The following ZNF704 variants were observed in gnomAD, a reference collection of about 807,000 sequenced individuals.
The protein encoded by ZNF704 is zinc finger protein 704.
ZNF704 carries 10 observed loss-of-function variants against 44.7 expected under a neutral mutation model. The observed-to-expected ratio is 0.22, with a 90% CI of 0.14 to 0.38. The LOEUF is 0.38. Ranked by LOEUF, ZNF704 falls within the 10% of genes least tolerant of loss-of-function variation. ZNF704 has a pLI of 1.00. For missense variants in ZNF704, 390 were observed against 545.5 expected (o/e 0.71, Z 2.84); for synonymous variants, 211 against 207.6 (o/e 1.02, Z -0.14).
intron 2 of ZNF704, among the ~76,000 whole-genome samples, chr8:80,771,569 T>C (rs1807320607): frequency 6.6e-6 from 1 of 152,186 alleles, no homozygotes; most frequent in Non-Finnish European, 1.5e-5. Context: ...CTTGCTTAAC[T>C]CTTTTATTAG....
rs1028871236 is a variant in ZNF704, at chr8:80,633,521, G to T, written c.*7845C>A. 1.3e-5 allele frequency: 2 copies of T among 152,154 alleles called. No homozygotes were observed. Among genetic ancestry groups the T allele is most frequent in the Non-Finnish European group, 2.9e-5 (2 of 68,048 alleles). The allele number at this position is 152,154 out of a possible 1,614,324, so 9.4% of individuals were successfully genotyped here. ...ACTGAATAGATGGTTTGAGAACATGGTGGGTCCCTGGGTCTTCTTACGTCC... is the reference window on the plus strand; with the variant it reads ...ACTGAATAGATGGTTTGAGAACATGTTGGGTCCCTGGGTCTTCTTACGTCC... On this transcript the variant is annotated 3_prime_UTR_variant, in exon 9 of 9. Transcript: ENST00000327835.
intron 1 of ZNF704, among the ~76,000 whole-genome samples, chr8:80,870,945 C>T (rs1809241684): frequency 6.6e-6 from 1 of 152,190 alleles, no homozygotes; most frequent in Non-Finnish European, 1.5e-5. Flanking sequence ...TTTTCCTAAT[C>T]TTAGTAAATG....
At chr8:80,641,569 GAAA>G (rs60295176) in intron 8 of ZNF704, 92 bp from the exon 9 acceptor site, 2,940 of 357,964 alleles carry the variant, frequency 8.2e-3, no homozygotes, top group South Asian at 0.012. Flanking sequence ...AGTGAGGGAG[GAAA>G]AAAAAAAAAA....
intron 2 of ZNF704, among the ~76,000 whole-genome samples, chr8:80,757,731 CT>C (rs1659003179): frequency 6.6e-6 from 1 of 152,058 alleles, no homozygotes; most frequent in Admixed American, 6.6e-5. Context: ...TTTACCGTAC[CT>C]TTTTAATGTT....
At chr8:80,702,101 C>A (rs1480458760) in intron 2 of ZNF704, among the ~76,000 whole-genome samples, 2 of 152,094 alleles carry the variant, frequency 1.3e-5, no homozygotes, top group African/African-American at 4.8e-5. Context: ...ACTGGGGCAG[C>A]ATGATGAGGG....
intron 2 of ZNF704, 84 bp downstream of exon 2, chr8:80,821,288 AAG>A: frequency 2.2e-6 from 3 of 1,357,718 alleles, no homozygotes; most frequent in South Asian, 2.4e-5. Flanking sequence ...CTATATACTG[AAG>A]AGAGTCTGTA....
At chr8:80,859,868 T>G (rs1247225638) in intron 1 of ZNF704, among the ~76,000 whole-genome samples, 1 of 152,006 alleles carries the variant, frequency 6.6e-6, no homozygotes, top group Non-Finnish European at 1.5e-5. Context: ...ATGAAAACAG[T>G]GAGAATGAGG....
intron 2 of ZNF704, among the ~76,000 whole-genome samples, chr8:80,754,245 A>G (rs1332104521): frequency 6.6e-6 from 1 of 152,150 alleles, no homozygotes; most frequent in Non-Finnish European, 1.5e-5. Flanking sequence ...CGGGACAGCC[A>G]GTATCTCCCA....
At chr8:80,830,629 TACC>T (rs1808453928) in intron 1 of ZNF704, among the ~76,000 whole-genome samples, 1 of 151,318 alleles carries the variant, frequency 6.6e-6, no homozygotes, top group East Asian at 1.9e-4. Context: ...ATTTAAATTA[TACC>T]ACAATAGAGC....
Position 80,776,656 on chromosome 8 carries a change from AT to A in ZNF704, c.221+44717del, listed in dbSNP as rs1778834109. ...AATTTCTGATTCTTTTCTTTTTCTGATTATTTTTTAGAAGGGGTCTTGCTAT... is the reference window on the plus strand; with the variant it reads ...AATTTCTGATTCTTTTCTTTTTCTGATATTTTTTAGAAGGGGTCTTGCTAT... On this transcript the variant is annotated intron_variant, in intron 2 of 8. Coordinates refer to ENST00000327835, the MANE Select transcript of ZNF704 (RefSeq NM_001033723.3). 3.3e-5 allele frequency: 5 copies of A among 152,050 alleles called. No individual in the cohort carries two copies. In the East Asian group the frequency reaches 5.8e-4, roughly 18 times the overall value. 9.4% of individuals were successfully genotyped at this position (152,050 alleles called of 1,614,324 possible).
intron 1 of ZNF704, among the ~76,000 whole-genome samples, chr8:80,858,514 T>C (rs1169687722): frequency 2.6e-5 from 4 of 152,050 alleles, no homozygotes; most frequent in Admixed American, 6.6e-5. Flanking sequence ...TGCAAATCAC[T>C]TGAGGTCAGG....
chr8:80,841,076 T>C (rs891036667), intron 1 of ZNF704, among the ~76,000 whole-genome samples: 3 of 152,158 alleles, frequency 2.0e-5, no homozygotes, highest in Admixed American at 2.0e-4. Flanking sequence ...CTAGCAAGAA[T>C]ACCCCGCACT....
intron 7 of ZNF704, among the ~76,000 whole-genome samples, chr8:80,657,828 T>A (rs1445932757): frequency 6.6e-6 from 1 of 152,180 alleles, no homozygotes; most frequent in Non-Finnish European, 1.5e-5. Flanking sequence ...ATCATATATA[T>A]ACTTTCTGTC....
chr8:80,742,864 C>T (rs35339118), intron 2 of ZNF704, among the ~76,000 whole-genome samples: 74,521 of 151,746 alleles, frequency 0.49, 19,618 homozygotes, highest in African/African-American at 0.69. Flanking sequence ...GAGGAGGTAC[C>T]GAGAGACAAG....
intron 2 of ZNF704, among the ~76,000 whole-genome samples, chr8:80,727,495 G>A (rs1806504696): frequency 6.7e-6 from 1 of 148,288 alleles, no homozygotes; most frequent in South Asian, 2.1e-4. Context: ...TGCTTTTTTT[G>A]TGCCTTCTGA....
intron 2 of ZNF704, among the ~76,000 whole-genome samples, chr8:80,754,056 T>C (rs1806994389): frequency 6.6e-6 from 1 of 152,222 alleles, no homozygotes; most frequent in Non-Finnish European, 1.5e-5. Flanking sequence ...GGAATGCCAC[T>C]GTCTATCAGA....
In ZNF704 at chr8:80,641,378, C is replaced by T. The variant is rs1409666482; in HGVS notation, c.1227G>A (p.Arg409=). The T allele has an allele frequency of 4.3e-6, 7 of 1,612,788 alleles. No homozygotes were observed. Among genetic ancestry groups the T allele is most frequent in the Non-Finnish European group, 5.1e-6 (6 of 1,179,338 alleles). Residue 409 remains arginine, a synonymous_variant, in exon 9 of 9, where the codon AGG becomes AGA. Coordinates refer to ENST00000327835, the MANE Select transcript of ZNF704 (RefSeq NM_001033723.3). The part of the protein sequence containing the change: ...TACRWKKACQ[R]FLD ...GCCTGGGGGTCTCTCAGTCGAGGAA[C>T]CTCTGGCAGGCCTTCTTCCAGCGGC...
intron 2 of ZNF704, among the ~76,000 whole-genome samples, chr8:80,695,573 T>C (rs1321777680): frequency 6.6e-6 from 1 of 152,220 alleles, no homozygotes; most frequent in African/African-American, 2.4e-5. Context: ...AGGGACCTTT[T>C]TGCCCCTCTC....
chr8:80,693,057 A>G lies in ZNF704; in HGVS notation c.272T>C (p.Leu91Pro). 1 of 1,614,230 alleles carries G rather than the reference A, an allele frequency of 6.2e-7. No homozygotes were observed. The highest frequency in any genetic ancestry group is 1.1e-5 in the South Asian group (1 of 91,076). The change falls in exon 3 of 9, where the codon CTA (leucine) becomes CCA (proline). Residue 91 changes from leucine (L) to proline (P), a missense_variant. Physicochemically the swap from Leu to Pro is moderately conservative, Grantham distance 98 (BLOSUM62 -3). This residue lies in a region of ZNF704 where 305 missense variants were observed against 435.7 expected (regional missense o/e 0.70). Transcript: ENST00000327835. Reference protein sequence around the residue: ...DMDKVTAAMVLTSLSTSPLVR... With the variant: ...DMDKVTAAMVPTSLSTSPLVR... Reference sequence around the variant, plus strand: ...CAAAGGGCTAGTCGACAAGCTGGTTAGTACCATTGCTGCTGTCACCTTGTC... The same window carrying G: ...CAAAGGGCTAGTCGACAAGCTGGTTGGTACCATTGCTGCTGTCACCTTGTC...
Sources: allele counts gnomAD v4.1 joint callset (sites outside exome capture counted in the v4.1 genomes callset), GRCh38; gene constraint gnomAD v4.1.1; regional missense constraint gnomAD v4.1.1; transcripts MANE v1.5; gene names NCBI Gene and HGNC (gene_info 2026-07-23, HGNC 2026-07-21).